The following NCKAP5 variants were observed in gnomAD, a reference collection of about 807,000 sequenced individuals.
The protein encoded by NCKAP5 is NCK associated protein 5.
NCKAP5 carries 92 observed loss-of-function variants against 167.0 expected under a neutral mutation model. The ratio of observed to expected loss-of-function variants is 0.55; its 90% CI spans 0.47 to 0.66. The LOEUF (loss-of-function observed/expected upper bound fraction) is 0.66, where lower values mean the gene tolerates loss of function less well. Among genes scored for constraint, NCKAP5 ranks in the 30% least tolerant of loss-of-function variants. NCKAP5 has a pLI of 0.00. For missense variants in NCKAP5, 2,378 were observed against 2,315.0 expected, an observed-to-expected ratio of 1.03 and a Z score of -0.56; for synonymous variants, 891 against 877.4, an observed-to-expected ratio of 1.02 and a Z score of -0.27.
At chr2:133,063,884 A>G (rs554952396) in intron 6 of NCKAP5, among the ~76,000 whole-genome samples, 4 of 152,344 alleles carry the variant, frequency 2.6e-5, no homozygotes, top group African/African-American at 9.6e-5. Flanking sequence ...GAGAGCTAGG[A>G]AAAAACCGTT....
intron 8 of NCKAP5, among the ~76,000 whole-genome samples, chr2:132,901,785 A>G (rs533662417): frequency 6.6e-6 from 1 of 152,346 alleles, no homozygotes; most frequent in South Asian, 2.1e-4. Flanking sequence ...GCAGTGTTGC[A>G]CTGTGCATTA....
intron 4 of NCKAP5, among the ~76,000 whole-genome samples, chr2:133,273,708 T>C (rs905914367): frequency 7.9e-5 from 12 of 151,908 alleles, no homozygotes; most frequent in African/African-American, 2.7e-4. Flanking sequence ...ACAGTAGTAA[T>C]AATAATGGTT....
At chr2:132,685,482 G>A (rs112257746) in intron 19 of NCKAP5, among the ~76,000 whole-genome samples, 1,678 of 152,254 alleles carry the variant, frequency 0.011, 25 homozygotes, top group African/African-American at 0.036. Flanking sequence ...CGTCGGAAAT[G>A]AATGTTTCTC....
chr2:133,617,139 G>A, the NCKAP5 span, among the ~76,000 whole-genome samples: 2 of 152,190 alleles, frequency 1.3e-5, no homozygotes, highest in East Asian at 3.9e-4. Flanking sequence ...ATTAGGTATT[G>A]ATGGGACATA....
chr2:133,565,938 G>C (rs1688517299), intron 1 of NCKAP5, among the ~76,000 whole-genome samples: 1 of 152,198 alleles, frequency 6.6e-6, no homozygotes, highest in African/African-American at 2.4e-5. Flanking sequence ...AGCAGCCCTT[G>C]CTTTCGACGG....
intron 3 of NCKAP5, among the ~76,000 whole-genome samples, chr2:133,459,800 G>A (rs1299599344): frequency 9.2e-5 from 14 of 152,156 alleles, no homozygotes; most frequent in Non-Finnish European, 8.8e-5. Flanking sequence ...TAATGAGTCT[G>A]TAACTTCCTG....
At chr2:133,344,215 C>A (rs1044450745) in intron 3 of NCKAP5, among the ~76,000 whole-genome samples, 3 of 152,056 alleles carry the variant, frequency 2.0e-5, no homozygotes, top group Non-Finnish European at 4.4e-5. Context: ...CGAGACCAGC[C>A]TGACCAACAT....
At chr2:132,687,602 A>T (rs1255591735) in intron 19 of NCKAP5, among the ~76,000 whole-genome samples, 1 of 152,050 alleles carries the variant, frequency 6.6e-6, no homozygotes, top group African/African-American at 2.4e-5. Context: ...GTTGGGTGCT[A>T]CCAAAGGATT....
chr2:133,318,565 C>G (rs539268930), intron 3 of NCKAP5, among the ~76,000 whole-genome samples: 1 of 152,118 alleles, frequency 6.6e-6, no homozygotes, highest in Non-Finnish European at 1.5e-5. Context: ...AGTGGAGAAT[C>G]CGATTCAGGA....
chr2:133,365,313 G>A (rs953733775), intron 3 of NCKAP5, among the ~76,000 whole-genome samples: 2 of 152,140 alleles, frequency 1.3e-5, no homozygotes, highest in Non-Finnish European at 2.9e-5. Flanking sequence ...ACTAGCTGGC[G>A]AAGCACATTG....
chr2:133,126,130 C>T (rs925233110), intron 6 of NCKAP5, among the ~76,000 whole-genome samples: 2 of 152,214 alleles, frequency 1.3e-5, no homozygotes, highest in African/African-American at 2.4e-5. Context: ...TCCTGAATCA[C>T]TCATCCTGAC....
At chr2:133,258,394 C>T (rs1407509343) in intron 4 of NCKAP5, among the ~76,000 whole-genome samples, 4 of 152,186 alleles carry the variant, frequency 2.6e-5, no homozygotes, top group African/African-American at 9.7e-5. Flanking sequence ...TGGCTTCCAA[C>T]AGCATTTCCT....
At chr2:132,970,188 G>A (rs1253822477) in intron 7 of NCKAP5, among the ~76,000 whole-genome samples, 1 of 152,056 alleles carries the variant, frequency 6.6e-6, no homozygotes, top group Non-Finnish European at 1.5e-5. Flanking sequence ...AAAATCAAGT[G>A]TATGGGTTCT....
intron 11 of NCKAP5, among the ~76,000 whole-genome samples, chr2:132,848,666 A>G (rs1387863451): frequency 6.6e-6 from 1 of 152,202 alleles, no homozygotes; most frequent in Non-Finnish European, 1.5e-5. Flanking sequence ...CAATCATAAA[A>G]AGGAAAAGCC....
chr2:133,210,483 CTAAA>C (rs1179903238), intron 5 of NCKAP5, among the ~76,000 whole-genome samples: 2 of 152,126 alleles, frequency 1.3e-5, no homozygotes, highest in Non-Finnish European at 2.9e-5. Flanking sequence ...ACAGTAGTCT[CTAAA>C]TACACATGGT....
chr2:133,363,578 C>T (rs1362595976), intron 3 of NCKAP5, among the ~76,000 whole-genome samples: 1 of 152,144 alleles, frequency 6.6e-6, no homozygotes, highest in Non-Finnish European at 1.5e-5. Flanking sequence ...GCTTCAAAGG[C>T]ATCTAATGAA....
intron 1 of NCKAP5, among the ~76,000 whole-genome samples, chr2:133,561,208 T>A (rs1280160344): frequency 6.6e-6 from 1 of 152,216 alleles, no homozygotes; most frequent in Non-Finnish European, 1.5e-5. Context: ...CTGTTGGCAA[T>A]TGGCCTGTAT....
rs1422619220 is a variant in NCKAP5, at chr2:132,933,826, AG to A, written c.579+29893del. Among the ~76,000 whole-genome samples the A allele has an allele frequency of 2.6e-5, 4 of 152,222 alleles. No individual in the cohort carries two copies. In the South Asian group the frequency reaches 6.2e-4, roughly 24 times the overall value. On this transcript the variant is annotated intron_variant, in intron 8 of 19. Coordinates refer to ENST00000409261, the MANE Select transcript of NCKAP5 (RefSeq NM_207363.3). ...AGTTCTGAATCATAAATGTATTTTC[AG>A]AAAAGAATTGTATTTTCAGAGGGGG... is the stretch of plus-strand genomic sequence containing the variant.
intron 3 of NCKAP5, among the ~76,000 whole-genome samples, chr2:133,311,015 A>C (rs1293395871): frequency 6.6e-6 from 1 of 152,114 alleles, no homozygotes; most frequent in African/African-American, 2.4e-5. Context: ...CAACCAAACA[A>C]TTCTCCAGCA....
Sources: gnomAD v4.1 joint callset for allele counts (sites outside exome capture counted in the v4.1 genomes callset) on GRCh38, gnomAD v4.1.1 for gene constraint, MANE v1.5 for transcripts, NCBI Gene and HGNC (gene_info 2026-07-23, HGNC 2026-07-21) for gene names.